COBLL1: variants seen among roughly 807,000 people sequenced by gnomAD.
COBLL1 encodes the protein cordon-bleu protein-like 1.
A neutral mutation model predicts 94.8 loss-of-function variants in COBLL1; 50 were observed. The observed-to-expected ratio is 0.53, with a 90% CI of 0.42 to 0.67. The LOEUF (loss-of-function observed/expected upper bound fraction) is 0.67. COBLL1 is among the 30% of genes least tolerant of loss of function. The probability of loss-of-function intolerance (pLI) is 0.00; values close to 1 mark genes in which losing one functional copy is unlikely to be tolerated. For missense variants in COBLL1, 1,362 were observed against 1,348.7 expected, an observed-to-expected ratio of 1.01 and a Z score of -0.15; for synonymous variants, 448 against 473.8, an observed-to-expected ratio of 0.95 and a Z score of 0.71.
chr2:164,777,520 G>C (rs769338941), intron 2 of COBLL1, among the ~76,000 whole-genome samples: 1 of 152,086 alleles, frequency 6.6e-6, no homozygotes, highest in African/African-American at 2.4e-5. Context: ...CAGCATTAAG[G>C]GAGAGTGACA....
intron 7 of COBLL1, among the ~76,000 whole-genome samples, chr2:164,720,983 G>T (rs1685414373): frequency 6.6e-6 from 1 of 152,178 alleles, no homozygotes; most frequent in African/African-American, 2.4e-5. Flanking sequence ...AGTCTTCATA[G>T]AAATAAGAAA....
chr2:164,824,517 C>T (rs1468405268), intron 2 of COBLL1, among the ~76,000 whole-genome samples: 1 of 151,984 alleles, frequency 6.6e-6, no homozygotes, highest in Non-Finnish European at 1.5e-5. Flanking sequence ...ATTAAGTTTC[C>T]ATTTTGAAAG....
chr2:164,666,037 ATG>A (rs1691153583), intron 1 of COBLL1: 1 of 152,216 alleles, frequency 6.6e-6, no homozygotes, highest in Admixed American at 6.5e-5. Flanking sequence ...GTTTGAGATG[ATG>A]TGTGATACAT....
downstream of COBLL1, chr2:164,680,113 T>C (rs1682968347): frequency 6.6e-6 from 1 of 152,046 alleles, no homozygotes; most frequent in South Asian, 2.1e-4. Context: ...ACATTCTTAA[T>C]GGGTGGAAGG....
At chr2:164,695,992 A>T (rs1321330506) in intron 11 of COBLL1, 156 bp from the exon 12 acceptor site, 9 of 612,366 alleles carry the variant, frequency 1.5e-5, no homozygotes, top group Non-Finnish European at 2.5e-5. Context: ...GCATACAGAG[A>T]AAACAGTACG....
intron 11 of COBLL1, chr2:164,696,534 A>T (rs1683954070): frequency 6.6e-6 from 1 of 152,080 alleles, no homozygotes; most frequent in South Asian, 2.1e-4. Flanking sequence ...AATGGTTTTG[A>T]TTTTTCTCTG....
Position 164,774,549 on chromosome 2 carries a change from CAT to C in COBLL1, c.42-30676_42-30675del, listed in dbSNP as rs376532025. Among the ~76,000 whole-genome samples, 67 of 152,328 alleles carry C rather than the reference CAT, an allele frequency of 4.4e-4. No homozygotes were observed. The East Asian group carries it at 8.1e-3, about 18-fold the overall frequency. On this transcript the variant is annotated intron_variant, in intron 2 of 13. Coordinates refer to ENST00000652658, the MANE Select transcript of COBLL1 (RefSeq NM_001365672.2). ...TGACAGAAACTTTGATACAAAATCA[CAT>C]GTCCCATTACTTTCACTGACAGAAG...
chr2:164,681,885 G>C lies in COBLL1; in HGVS notation c.*4061C>G, dbSNP rs998298030. ...CTGTCAAAAAAGTTCTGAGCACATG[G>C]TGGCATTTTTTCCTTGTTGTAAACA... On this transcript the variant is annotated 3_prime_UTR_variant, in exon 14 of 14. Transcript: ENST00000652658. The C allele has an allele frequency of 6.6e-6, 1 of 152,146 alleles. No individual in the cohort carries two copies. Among genetic ancestry groups the C allele is most frequent in the African/African-American group, 2.4e-5 (1 of 41,440 alleles). The allele number at this position is 152,146 out of a possible 1,614,324, so 9.4% of individuals were successfully genotyped here.
intron 3 of COBLL1, among the ~76,000 whole-genome samples, chr2:164,741,788 A>G (rs3769888): frequency 0.22 from 33,649 of 152,024 alleles, 4,830 homozygotes; most frequent in African/African-American, 0.41. Context: ...TAGGTGAAAT[A>G]TCTGATGCAG....
intron 2 of COBLL1, among the ~76,000 whole-genome samples, chr2:164,767,256 AT>A (rs1475507686): frequency 6.6e-6 from 1 of 152,238 alleles, no homozygotes; most frequent in Non-Finnish European, 1.5e-5. Flanking sequence ...AAATAAGTTC[AT>A]TTTTTGGAAA....
At chr2:164,748,242 C>T (rs916731308) in intron 2 of COBLL1, among the ~76,000 whole-genome samples, 2 of 152,140 alleles carry the variant, frequency 1.3e-5, no homozygotes, top group South Asian at 4.1e-4. Flanking sequence ...AGATGGAAGC[C>T]TGGATTTGGC....
chr2:164,723,690 T>C (rs182785158), intron 5 of COBLL1: 31 of 152,328 alleles, frequency 2.0e-4, no homozygotes, highest in African/African-American at 7.0e-4. Context: ...AACTCTTTTT[T>C]CACCTTTGTG....
At chr2:164,677,446 A>G (rs950988249), downstream of COBLL1, among the ~76,000 whole-genome samples, 5 of 152,212 alleles carry the variant, frequency 3.3e-5, no homozygotes, top group African/African-American at 9.6e-5. Flanking sequence ...GTTTAAAAAA[A>G]GAACTATTAT....
Position 164,694,827 on chromosome 2 carries a change from A to G in COBLL1, c.2565T>C (p.Ser855=). The G allele has an allele frequency of 1.2e-6, 2 of 1,613,638 alleles. No individual in the cohort carries two copies. Among genetic ancestry groups the G allele is most frequent in the Non-Finnish European group, 1.7e-6 (2 of 1,179,894 alleles). ...GTTTGGCCTGGGCATTTGAAGCCCG[A>G]GATTTAAATTTTGATTCCAAAATAT... ...INNILESKFK[S]RASNAQAKPS... The change falls in exon 12 of 14, where the codon TCT becomes TCC. Residue 855 remains serine, a synonymous_variant. Coordinates refer to ENST00000652658, the MANE Select transcript of COBLL1 (RefSeq NM_001365672.2).
chr2:164,779,484 A>G (rs1351425530), intron 2 of COBLL1, among the ~76,000 whole-genome samples: 2 of 152,068 alleles, frequency 1.3e-5, no homozygotes, highest in Admixed American at 1.3e-4. Context: ...GAGGTCTTGA[A>G]TCCCTCAGAG....
chr2:164,828,661 A>G (rs934396746), intron 2 of COBLL1, among the ~76,000 whole-genome samples: 7 of 152,218 alleles, frequency 4.6e-5, no homozygotes, highest in South Asian at 2.1e-4. Context: ...GCCACTACAC[A>G]CATCAGGCTC....
In COBLL1 at chr2:164,685,760, A is replaced by C; in HGVS notation, c.*186T>G. ...CAACTCTTAAGGCAAAAAAAAGATC[A>C]AAAAATTACTATAAATTATAAATTC... On this transcript the variant is annotated 3_prime_UTR_variant, in exon 14 of 14. Coordinates refer to ENST00000652658, the MANE Select transcript of COBLL1 (RefSeq NM_001365672.2). 2.5e-6 allele frequency: 1 copy of C among 394,794 alleles called. No individual in the cohort carries two copies. Among genetic ancestry groups the C allele is most frequent in the Non-Finnish European group, 4.5e-6 (1 of 222,914 alleles). The allele number at this position is 394,794 out of a possible 1,614,324, so 24.5% of individuals were successfully genotyped here. A position where few individuals can be genotyped will look rare whatever the true frequency, so the allele number is the denominator to read the frequency against.
rs1558928271 is a variant in COBLL1 at position 164,695,706 on chromosome 2, T to C, written c.1686A>G (p.Pro562=). ...NNNIDMEVER[P]SNSEAHETDT... is the part of the protein sequence containing the mutation. The stretch of plus-strand genomic sequence containing the variant: ...CAGTTTCATGTGCCTCAGAGTTTGA[T>C]GGTCTCTCAACTTCCATATCAATGT... The change falls in exon 12 of 14, where the codon CCA becomes CCG. Residue 562 remains proline, a synonymous_variant. Coordinates refer to ENST00000652658, the MANE Select transcript of COBLL1 (RefSeq NM_001365672.2). 1 of 1,613,918 alleles carries C rather than the reference T, an allele frequency of 6.2e-7. No individual in the cohort carries two copies. Among genetic ancestry groups the C allele is most frequent in the Non-Finnish European group, 8.5e-7 (1 of 1,179,858 alleles).
intron 2 of COBLL1, among the ~76,000 whole-genome samples, chr2:164,803,340 C>T (rs943419693): frequency 1.3e-5 from 2 of 151,548 alleles, no homozygotes; most frequent in African/African-American, 4.8e-5. Flanking sequence ...CCGAGGCGGG[C>T]GGATCACGAG....
Sources: allele counts gnomAD v4.1 joint callset (sites outside exome capture counted in the v4.1 genomes callset), GRCh38; gene constraint gnomAD v4.1.1; transcripts MANE v1.5; gene names NCBI Gene and HGNC (gene_info 2026-07-23, HGNC 2026-07-21).